Variants in OR8B2 observed in about 807,000 individuals in gnomAD.
The protein encoded by OR8B2 is olfactory receptor family 8 subfamily B member 2, also known as olfactory receptor 8B2.
For synonymous variants in OR8B2, 98 were observed against 138.2 expected (o/e 0.71, Z 2.04); for missense variants, 304 against 379.6 (o/e 0.80, Z 1.65).
the OR8B2 span, among the ~76,000 whole-genome samples, chr11:124,394,747 C>G: frequency 6.6e-6 from 1 of 152,310 alleles, no homozygotes; most frequent in East Asian, 1.9e-4. Context: ...ACCGATGGGT[C>G]TCTTCATGGG....
At chr11:124,396,385 C>T in the OR8B2 span, 9 of 1,555,818 alleles carry the variant, frequency 5.8e-6, no homozygotes, top group South Asian at 4.9e-5. Flanking sequence ...GTTCTTCAAT[C>T]GTTTTACATT....
At chr11:124,383,585 C>A (rs572694559) in intron 1 of OR8B2, among the ~76,000 whole-genome samples, 1 of 152,252 alleles carries the variant, frequency 6.6e-6, no homozygotes, top group South Asian at 2.1e-4. Flanking sequence ...TACTAGAAGA[C>A]ACAGAGGTGG....
chr11:124,388,597 T>A (rs1267362594), upstream of OR8B2, among the ~76,000 whole-genome samples: 1 of 152,082 alleles, frequency 6.6e-6, no homozygotes, highest in Non-Finnish European at 1.5e-5. Flanking sequence ...CTGCTCAGAG[T>A]TGATGATGCA....
chr11:124,396,931 A>C, the OR8B2 span: 3 of 1,607,726 alleles, frequency 1.9e-6, no homozygotes, highest in Non-Finnish European at 2.5e-6. Context: ...AGCATAGAAC[A>C]GACCTGATGG....
the OR8B2 span, chr11:124,396,735 T>A: frequency 2.4e-5 from 38 of 1,613,760 alleles, no homozygotes; most frequent in African/African-American, 4.1e-4. Context: ...TACCATGATA[T>A]TAATACCCAC....
chr11:124,396,625 A>G, the OR8B2 span: 1 of 1,612,154 alleles, frequency 6.2e-7, no homozygotes, highest in Admixed American at 1.7e-5. Flanking sequence ...ATGACATGAG[A>G]GCTACAAGTA....
chr11:124,382,607 A>G lies in OR8B2; in HGVS notation c.737T>C (p.Ile246Thr), dbSNP rs1427645112. 6.2e-7 allele frequency: 1 copy of G among 1,612,566 alleles called. No homozygotes were observed. The highest frequency in any genetic ancestry group is 1.3e-5 in the African/African-American group (1 of 74,880). ...TGACCCAAAAAACAGAGACAGAGCA[A>G]TGACATGAGAGCTACAAGTACTGAA... ...KAFSTCSSHV[I>T]ALSLFFGSAA... is the part of the protein sequence containing the mutation. Residue 246 changes from isoleucine to threonine, a missense_variant, in exon 2 of 2, where the codon ATT becomes ACT. Physicochemically the swap from Ile to Thr is moderately conservative, Grantham distance 89 (BLOSUM62 -1). Coordinates refer to ENST00000641451, the MANE Select transcript of OR8B2 (RefSeq NM_001005468.2).
At chr11:124,396,792 A>G in the OR8B2 span, 6 of 1,612,164 alleles carry the variant, frequency 3.7e-6, no homozygotes, top group African/African-American at 4.0e-5. Context: ...GGTGCAGGAA[A>G]GCTGGAGGAG....
upstream of OR8B2, among the ~76,000 whole-genome samples, chr11:124,387,356 T>A (rs1445201760): frequency 1.3e-5 from 2 of 152,306 alleles, no homozygotes; most frequent in South Asian, 2.1e-4. Flanking sequence ...TGAATGGTAA[T>A]GCCTAGGTTT....
chr11:124,394,481 G>T, the OR8B2 span, among the ~76,000 whole-genome samples: 2 of 152,118 alleles, frequency 1.3e-5, no homozygotes, highest in African/African-American at 4.8e-5. Flanking sequence ...GAAAGAAATG[G>T]AAAGTTCGGG....
the OR8B2 span, among the ~76,000 whole-genome samples, chr11:124,394,410 G>A: frequency 6.6e-6 from 1 of 152,014 alleles, no homozygotes; most frequent in African/African-American, 2.4e-5. Context: ...AAACTGAAAG[G>A]AGCAAGAGTC....
chr11:124,393,264 G>A, the OR8B2 span, among the ~76,000 whole-genome samples: 1 of 143,366 alleles, frequency 7.0e-6, no homozygotes, highest in African/African-American at 2.9e-5. Flanking sequence ...ATTGACAAAT[G>A]GGATCTAATT....
At chr11:124,396,508 G>C in the OR8B2 span, 1 of 1,614,032 alleles carries the variant, frequency 6.2e-7, no homozygotes, top group South Asian at 1.1e-5. Flanking sequence ...TTGAGCATGG[G>C]CACCACATTA....
At chr11:124,397,204 C>T in the OR8B2 span, 49 of 1,609,910 alleles carry the variant, frequency 3.0e-5, no homozygotes, top group Middle Eastern at 1.6e-4. Flanking sequence ...GAATTTAGAC[C>T]GAAAAGAATG....
chr11:124,386,360 A>G (rs183665568), upstream of OR8B2, among the ~76,000 whole-genome samples: 422 of 139,698 alleles, frequency 3.0e-3, 2 homozygotes, highest in Middle Eastern at 0.011. Context: ...GCACCCATTA[A>G]CTCCTCATTT....
chr11:124,383,926 CT>C (rs1591430370), intron 1 of OR8B2, among the ~76,000 whole-genome samples: 2 of 152,156 alleles, frequency 1.3e-5, no homozygotes, highest in East Asian at 3.8e-4. Context: ...ATAAGTGTTT[CT>C]ACACATTCTC....
chr11:124,396,382 A>G, the OR8B2 span: 4 of 1,553,954 alleles, frequency 2.6e-6, no homozygotes, highest in South Asian at 1.2e-5. Flanking sequence ...AAAGTTCTTC[A>G]ATCGTTTTAC....
chr11:124,382,412 T>C lies in OR8B2; in HGVS notation c.932A>G (p.Asn311Ser). The change falls in exon 2 of 2, where the codon AAT becomes AGT. Residue 311 changes from asparagine (N) to serine (S), a missense_variant. By Grantham distance (46) the Asn-to-Ser change is conservative. Coordinates refer to ENST00000641451, the MANE Select transcript of OR8B2 (RefSeq NM_001005468.2). ...CATTACTGCTTCTAATTAGAATATA[T>C]TTCTCCTCTGAATTTTAATCAGAGC... ...RKALIKIQRR[N>S]IF 21 of 1,603,250 alleles carry C rather than the reference T, an allele frequency of 1.3e-5. No individual in the cohort carries two copies. Among genetic ancestry groups the C allele is most frequent in the Non-Finnish European group, 1.7e-5 (20 of 1,176,708 alleles).
At chr11:124,397,103 C>T in the OR8B2 span, 1 of 1,613,668 alleles carries the variant, frequency 6.2e-7, no homozygotes, top group Non-Finnish European at 8.5e-7. Flanking sequence ...ATACAAAGTT[C>T]ATTAGCATTT....
Sources: allele counts gnomAD v4.1 joint callset (sites outside exome capture counted in the v4.1 genomes callset), GRCh38; gene constraint gnomAD v4.1.1; transcripts MANE v1.5; gene names NCBI Gene and HGNC (gene_info 2026-07-23, HGNC 2026-07-21).